ARHGAP40: variants seen among roughly 807,000 people sequenced by gnomAD.
ARHGAP40 encodes the protein rho GTPase-activating protein 40.
Under a neutral mutation model 73.5 loss-of-function variants are expected in ARHGAP40, and 43 were observed. The observed-to-expected ratio is 0.58, with a 90% CI of 0.46 to 0.75. The LOEUF (loss-of-function observed/expected upper bound fraction) is 0.75, where lower values mean the gene tolerates loss of function less well. Among genes scored for constraint, ARHGAP40 ranks in the 30% least tolerant of loss-of-function variants. The pLI is 0.00. For synonymous variants in ARHGAP40, 300 were observed against 352.8 expected (o/e 0.85, Z 1.68); for missense variants, 734 against 861.8 (o/e 0.85, Z 1.86).
intron 4 of ARHGAP40, 102 bp from the exon 5 acceptor site, chr20:38,629,400 C>T: frequency 1.7e-6 from 2 of 1,172,086 alleles, no homozygotes; most frequent in Non-Finnish European, 2.2e-6. Context: ...AGCTTGGGAG[C>T]TCACTTCTTA....
chr20:38,629,512 TG>T lies in ARHGAP40; in HGVS notation c.651del (p.Leu218CysfsTer55), dbSNP rs780331526. 4 of 1,305,200 alleles carry T rather than the reference TG, an allele frequency of 3.1e-6. No individual in the cohort carries two copies. The highest frequency in any genetic ancestry group is 4.0e-6 in the Non-Finnish European group (4 of 988,928). 80.9% of individuals were successfully genotyped at this position (1,305,200 alleles called of 1,614,324 possible). ...TCCCCCGCCCCGCAGCAGCAGAGCCTGGGGGGCTGCAGGAGCAGGCTGGGAG... is the reference window on the plus strand; with the variant it reads ...TCCCCCGCCCCGCAGCAGCAGAGCCTGGGGGCTGCAGGAGCAGGCTGGGAG... On this transcript the variant is annotated frameshift_variant, in exon 5 of 15. Coordinates refer to ENST00000373345, the Ensembl canonical transcript of ARHGAP40. LOFTEE classifies it high-confidence loss of function.
At chr20:38,647,877 A>T (rs2089064277) in intron 13 of ARHGAP40, among the ~76,000 whole-genome samples, 1 of 152,248 alleles carries the variant, frequency 6.6e-6, no homozygotes, top group Non-Finnish European at 1.5e-5. Flanking sequence ...AAGCCAAGGA[A>T]GCTGGTGTCA....
chr20:38,628,016 G>A (rs1474625987), intron 3 of ARHGAP40, among the ~76,000 whole-genome samples: 1 of 152,222 alleles, frequency 6.6e-6, no homozygotes, highest in Non-Finnish European at 1.5e-5. Flanking sequence ...GACTGCTGCT[G>A]CAGAGCGGGG....
chr20:38,628,022 C>T (rs973208113), intron 3 of ARHGAP40, among the ~76,000 whole-genome samples: 1 of 152,180 alleles, frequency 6.6e-6, no homozygotes, highest in African/African-American at 2.4e-5. Context: ...TGCTGCAGAG[C>T]GGGGCCACCC....
intron 1 of ARHGAP40, among the ~76,000 whole-genome samples, chr20:38,612,135 T>C (rs2088808260): frequency 1.3e-5 from 2 of 152,208 alleles, no homozygotes; most frequent in Admixed American, 6.5e-5. Flanking sequence ...GTAATCAATA[T>C]GAAACATTAA....
At chr20:38,635,819 C>T (rs2088971377) in intron 6 of ARHGAP40, among the ~76,000 whole-genome samples, 1 of 152,042 alleles carries the variant, frequency 6.6e-6, no homozygotes, top group Non-Finnish European at 1.5e-5. Context: ...CATGATAATG[C>T]TACATAACAA....
rs915862612 is a variant in ARHGAP40, at chr20:38,639,249, G to C, written c.1142G>C (p.Arg381Thr). 82 of 1,305,356 alleles carry C rather than the reference G, an allele frequency of 6.3e-5. No individual in the cohort carries two copies. Among genetic ancestry groups the C allele is most frequent in the Non-Finnish European group, 8.0e-5 (79 of 988,986 alleles). The allele number at this position is 1,305,356 out of a possible 1,614,324, so 80.9% of individuals were successfully genotyped here. A position where few individuals can be genotyped will look rare whatever the true frequency, so the allele number is the denominator to read the frequency against. ...TAGGGGCTGGAACAGAAACTGGAGA[G>C]AGACTTCTATGCTGGCCTTTTTAGC... is the stretch of plus-strand genomic sequence containing the variant. The change falls in exon 9 of 15, where the codon AGA becomes ACA. Residue 381 changes from arginine (R) to threonine (T), a missense_variant. Coordinates refer to ENST00000373345, the Ensembl canonical transcript of ARHGAP40.
At chr20:38,629,121 C>A (rs1256856992) in intron 4 of ARHGAP40, 119 bp downstream of exon 4, 6 of 897,408 alleles carry the variant, frequency 6.7e-6, no homozygotes. Context: ...TGACTCCCTG[C>A]CTTCCCTGCT....
At chr20:38,609,613 G>A (rs190113001) in intron 1 of ARHGAP40, among the ~76,000 whole-genome samples, 4 of 152,316 alleles carry the variant, frequency 2.6e-5, no homozygotes, top group Admixed American at 1.3e-4. Context: ...TGAGCCCAAC[G>A]CCTCTAGGAG....
Position 38,634,523 on chromosome 20 carries a change from C to G in ARHGAP40, c.784-97C>G, listed in dbSNP as rs1376536097. 23 of 1,118,748 alleles carry G rather than the reference C, an allele frequency of 2.1e-5. No homozygotes were observed. In the Admixed American group the frequency reaches 5.3e-4, roughly 26 times the overall value. The allele number at this position is 1,118,748 out of a possible 1,614,324, so 69.3% of individuals were successfully genotyped here. ...GCTTGCTCTTATCCACGCTGCTCTTCCTTCTGCCTAAATGCCCTGGGGAGA... is the reference window on the plus strand; with the variant it reads ...GCTTGCTCTTATCCACGCTGCTCTTGCTTCTGCCTAAATGCCCTGGGGAGA... On this transcript the variant is annotated intron_variant, in intron 5 of 14. Coordinates refer to ENST00000373345, the Ensembl canonical transcript of ARHGAP40.
At chr20:38,638,413 T>A (rs1028766794) in intron 7 of ARHGAP40, among the ~76,000 whole-genome samples, 33 of 152,318 alleles carry the variant, frequency 2.2e-4, no homozygotes, top group African/African-American at 7.5e-4. Context: ...CTCGAACTCC[T>A]GGCCTCAAGT....
intron 1 of ARHGAP40, among the ~76,000 whole-genome samples, chr20:38,622,237 T>C (rs2088877491): frequency 6.6e-6 from 1 of 152,204 alleles, no homozygotes; most frequent in South Asian, 2.1e-4. Flanking sequence ...GGTTTCCACA[T>C]GGGAGCTTAA....
At chr20:38,615,487 G>A in intron 1 of ARHGAP40, 1 of 672,704 alleles carries the variant, frequency 1.5e-6, no homozygotes. Flanking sequence ...GGCGGCGCGA[G>A]TGGCCAGCTC....
chr20:38,625,348 T>C (rs997943982), intron 2 of ARHGAP40, among the ~76,000 whole-genome samples: 5 of 151,542 alleles, frequency 3.3e-5, no homozygotes, highest in African/African-American at 1.2e-4. Flanking sequence ...TTTTTTAGAC[T>C]CACAGGGCTG....
At chr20:38,609,515 G>T (rs2088792279) in intron 1 of ARHGAP40, among the ~76,000 whole-genome samples, 1 of 152,158 alleles carries the variant, frequency 6.6e-6, no homozygotes, top group Admixed American at 6.5e-5. Context: ...ATAATAAAAA[G>T]AATGTCTCTG....
exon 2 of ARHGAP40, chr20:38,623,493 A>T: frequency 7.7e-7 from 1 of 1,290,920 alleles, no homozygotes; most frequent in Non-Finnish European, 1.0e-6. Context: ...GAGGTGGAAC[A>T]GATCCAACAG....
chr20:38,604,662 G>T (rs1470294824), intron 1 of ARHGAP40, among the ~76,000 whole-genome samples: 1 of 152,116 alleles, frequency 6.6e-6, no homozygotes, highest in Non-Finnish European at 1.5e-5. Flanking sequence ...CCAAAGTGCT[G>T]GGATTACAAG....
At chr20:38,623,855 C>A (rs1447095525) in intron 2 of ARHGAP40, among the ~76,000 whole-genome samples, 1 of 152,174 alleles carries the variant, frequency 6.6e-6, no homozygotes, top group Non-Finnish European at 1.5e-5. Context: ...TGTTTAGGCA[C>A]TGGGGATACA....
intron 1 of ARHGAP40, among the ~76,000 whole-genome samples, chr20:38,620,934 G>T (rs1036364093): frequency 3.9e-5 from 6 of 152,242 alleles, no homozygotes; most frequent in African/African-American, 1.4e-4. Flanking sequence ...GCCATGTGCA[G>T]AAAGAACATG....
Sources: gnomAD v4.1 joint callset for allele counts (sites outside exome capture counted in the v4.1 genomes callset) on GRCh38, gnomAD v4.1.1 for gene constraint, MANE v1.5 for transcripts, NCBI Gene and HGNC (gene_info 2026-07-23, HGNC 2026-07-21) for gene names.